Variants in PPFIA2 observed in about 807,000 individuals in gnomAD.
The protein encoded by PPFIA2 is liprin-alpha-2.
A neutral mutation model predicts 175.5 loss-of-function variants in PPFIA2; 46 were observed. The ratio of observed to expected loss-of-function variants is 0.26; its 90% confidence interval spans 0.21 to 0.34. The LOEUF is 0.34. PPFIA2 is among the 10% of genes least tolerant of loss of function. PPFIA2 has a pLI of 1.00. For synonymous variants in PPFIA2, 568 were observed against 511.4 expected (o/e 1.11, Z -1.49); for missense variants, 1,179 against 1,506.1 (o/e 0.78, Z 3.60).
At chr12:81,468,747 T>C (rs565400595) in intron 4 of PPFIA2, among the ~76,000 whole-genome samples, 1 of 152,198 alleles carries the variant, frequency 6.6e-6, no homozygotes, top group South Asian at 2.1e-4. Flanking sequence ...GTGGGTGCTA[T>C]AAAAGTTGTA....
chr12:81,311,993 C>T (rs1458173955), intron 22 of PPFIA2: 1 of 627,074 alleles, frequency 1.6e-6, no homozygotes, highest in Non-Finnish European at 2.7e-6. Flanking sequence ...TTCTCTGAAC[C>T]AATGATTCCT....
chr12:81,390,464 T>G (rs1469053766), intron 8 of PPFIA2, among the ~76,000 whole-genome samples: 1 of 152,060 alleles, frequency 6.6e-6, no homozygotes, highest in African/African-American at 2.4e-5. Context: ...TTATTTCAGC[T>G]ATTCTAGTGG....
intron 4 of PPFIA2, among the ~76,000 whole-genome samples, chr12:81,559,316 G>A (rs755119191): frequency 1.3e-5 from 2 of 152,176 alleles, no homozygotes; most frequent in Admixed American, 6.5e-5. Context: ...GTGCATGCAC[G>A]TGCATGTGTG....
At chr12:81,593,340 TCTTA>T (rs1461600728) in intron 4 of PPFIA2, among the ~76,000 whole-genome samples, 4 of 152,204 alleles carry the variant, frequency 2.6e-5, no homozygotes, top group Non-Finnish European at 5.9e-5. Flanking sequence ...TTTTTAATAA[TCTTA>T]CTTTGTGTGG....
chr12:81,328,962 C>T (rs1485773444), intron 21 of PPFIA2, among the ~76,000 whole-genome samples: 2 of 151,874 alleles, frequency 1.3e-5, no homozygotes, highest in East Asian at 3.9e-4. Context: ...TGCCACTATG[C>T]CCGGCTAGTT....
At chr12:81,278,280 C>T (rs937906828) in intron 27 of PPFIA2, among the ~76,000 whole-genome samples, 5 of 152,078 alleles carry the variant, frequency 3.3e-5, no homozygotes, top group Non-Finnish European at 7.4e-5. Flanking sequence ...TGGTGGCTCA[C>T]GCCTGTAATC....
At chr12:81,555,596 C>T (rs924986184) in intron 4 of PPFIA2, among the ~76,000 whole-genome samples, 1 of 151,890 alleles carries the variant, frequency 6.6e-6, no homozygotes, top group Non-Finnish European at 1.5e-5. Context: ...AATATTTAGT[C>T]ATAGGTTTGT....
intron 22 of PPFIA2, among the ~76,000 whole-genome samples, chr12:81,321,157 C>T (rs1349101534): frequency 6.6e-6 from 1 of 151,840 alleles, no homozygotes; most frequent in Non-Finnish European, 1.5e-5. Flanking sequence ...AGAGCCATAA[C>T]TTCAAAGGTC....
intron 30 of PPFIA2, among the ~76,000 whole-genome samples, chr12:81,263,672 T>C (rs2036345754): frequency 6.6e-6 from 1 of 152,204 alleles, no homozygotes; most frequent in African/African-American, 2.4e-5. Context: ...AAGCAACCAA[T>C]GTTTTCCAAA....
intron 4 of PPFIA2, among the ~76,000 whole-genome samples, chr12:81,643,712 C>T (rs752157560): frequency 3.3e-5 from 5 of 151,814 alleles, no homozygotes; most frequent in Admixed American, 6.6e-5. Flanking sequence ...AAATCTGGCT[C>T]AACAAAATCC....
intron 17 of PPFIA2, 113 bp from the exon 18 acceptor site, chr12:81,347,883 C>A: frequency 7.3e-7 from 1 of 1,375,502 alleles, no homozygotes; most frequent in Non-Finnish European, 9.5e-7. Context: ...TATTCTTGAA[C>A]ATTTTACATC....
intron 4 of PPFIA2, among the ~76,000 whole-genome samples, chr12:81,501,560 A>G (rs1442639036): frequency 1.3e-5 from 2 of 152,096 alleles, no homozygotes; most frequent in Non-Finnish European, 2.9e-5. Context: ...CACTTACTAG[A>G]TTACCAAAAC....
rs1157703813 is a variant in PPFIA2 at position 81,384,144 on chromosome 12, T to C, written c.863A>G (p.Lys288Arg). Residue 288 changes from lysine (K) to arginine (R), a missense_variant, in exon 9 of 33, where the codon AAA (lysine) becomes AGA (arginine). Coordinates refer to ENST00000549396, the MANE Select transcript of PPFIA2 (RefSeq NM_003625.5). ...EKQNYEMAQMKERLAALSSRV... is the reference protein window; with the variant it reads ...EKQNYEMAQMRERLAALSSRV... ...GGAAGAAAGGGCTGCTAAACGTTCT[T>C]TCATCTGGGCCATTTCATAGTTTTG... 4 of 1,612,786 alleles carry C rather than the reference T, an allele frequency of 2.5e-6. No individual in the cohort carries two copies. In the Admixed American group the frequency reaches 6.7e-5, roughly 27 times the overall value.
intron 3 of PPFIA2, among the ~76,000 whole-genome samples, chr12:81,716,469 TC>T (rs2078628961): frequency 6.6e-6 from 1 of 151,586 alleles, no homozygotes; most frequent in Non-Finnish European, 1.5e-5. Flanking sequence ...ATTTAAAATA[TC>T]AAGTATAATC....
At chr12:81,706,560 A>C (rs1424135558) in intron 3 of PPFIA2, among the ~76,000 whole-genome samples, 2 of 152,222 alleles carry the variant, frequency 1.3e-5, no homozygotes, top group Non-Finnish European at 2.9e-5. Flanking sequence ...TTATAAGTTA[A>C]AGCTAAAGAG....
intron 3 of PPFIA2, among the ~76,000 whole-genome samples, chr12:81,735,738 C>A (rs193116682): frequency 6.6e-6 from 1 of 151,768 alleles, no homozygotes; most frequent in East Asian, 1.9e-4. Flanking sequence ...GGTCTATGGG[C>A]CACTTTGAGT....
At chr12:81,439,622 T>A (rs543691440) in intron 7 of PPFIA2, among the ~76,000 whole-genome samples, 1 of 152,132 alleles carries the variant, frequency 6.6e-6, no homozygotes, top group African/African-American at 2.4e-5. Flanking sequence ...TCACTTTTAT[T>A]TGTAGCATTT....
chr12:81,339,559 C>G (rs1430434600), intron 20 of PPFIA2, among the ~76,000 whole-genome samples: 1 of 151,722 alleles, frequency 6.6e-6, no homozygotes, highest in Non-Finnish European at 1.5e-5. Context: ...CTCCGAATGT[C>G]TTTTTTTCTT....
chr12:81,362,729 AT>A lies in PPFIA2; in HGVS notation c.1600del (p.Met534Ter). 1 of 1,547,624 alleles carries A rather than the reference AT, an allele frequency of 6.5e-7. No homozygotes were observed. The highest frequency in any genetic ancestry group is 8.7e-7 in the Non-Finnish European group (1 of 1,143,770). ...GGGTTCAATTAAAGAGCCAGTTCTC[AT>A]TTTCAATTGGTCAAGTTCAGATCTC... ...KLRSELDQLK[M>X]RTGSLIEPTI... On this transcript the variant is annotated frameshift_variant, in exon 15 of 33. Transcript: ENST00000549396. LOFTEE classifies it high-confidence loss of function.
Sources: allele counts gnomAD v4.1 joint callset (sites outside exome capture counted in the v4.1 genomes callset), GRCh38; gene constraint gnomAD v4.1.1; transcripts MANE v1.5; gene names NCBI Gene and HGNC (gene_info 2026-07-23, HGNC 2026-07-21).